Variants in UNC80 observed in about 807,000 individuals in gnomAD.
The protein encoded by UNC80 is protein unc-80 homolog.
A neutral mutation model predicts 384.6 loss-of-function variants in UNC80; 164 were observed. The ratio of observed to expected loss-of-function variants is 0.43; its 90% CI spans 0.38 to 0.49. The LOEUF is 0.49. Among genes scored for constraint, UNC80 ranks in the 20% least tolerant of loss-of-function variants. The pLI is 0.00. For synonymous variants in UNC80, 1,486 were observed against 1,527.8 expected (o/e 0.97, Z 0.64); for missense variants, 3,330 against 4,143.0 (o/e 0.80, Z 5.39).
rs985622879 is a variant in UNC80, at chr2:209,899,323, G to T, written c.4581+2910G>T. 3.9e-5 allele frequency among the ~76,000 whole-genome samples: 6 copies of T among 152,268 alleles called. No individual in the cohort carries two copies. In the South Asian group the frequency reaches 1.2e-3, roughly 32 times the overall value. On this transcript the variant is annotated intron_variant, in intron 28 of 64. Transcript: ENST00000673920. Reference sequence around the variant, plus strand: ...AAACTGTTGACTTTGGGTGATAATGGTGTGTCAATATAAGTTCATTGATTG... The same window carrying T: ...AAACTGTTGACTTTGGGTGATAATGTTGTGTCAATATAAGTTCATTGATTG...
chr2:209,861,625 A>G (rs1326186287), intron 22 of UNC80, among the ~76,000 whole-genome samples: 6 of 152,120 alleles, frequency 3.9e-5, no homozygotes, highest in Non-Finnish European at 8.8e-5. Flanking sequence ...GCTCCTCTTT[A>G]TATTTCTGGT....
chr2:209,826,393 A>G (rs1312467976), intron 14 of UNC80, among the ~76,000 whole-genome samples: 1 of 152,216 alleles, frequency 6.6e-6, no homozygotes, highest in African/African-American at 2.4e-5. Flanking sequence ...CCTGTAACAA[A>G]TGACTTTTTA....
intron 32 of UNC80, 69 bp from the exon 33 acceptor site, chr2:209,918,460 GTCA>G (rs952040706): frequency 2.5e-5 from 37 of 1,460,786 alleles, no homozygotes; most frequent in Non-Finnish European, 3.3e-5. Flanking sequence ...GACAGATTGT[GTCA>G]TCATTATACT....
intron 22 of UNC80, among the ~76,000 whole-genome samples, chr2:209,859,478 G>C (rs2083196010): frequency 6.6e-6 from 1 of 152,106 alleles, no homozygotes; most frequent in African/African-American, 2.4e-5. Context: ...ATTGTAAATA[G>C]TGCTGCAATA....
intron 25 of UNC80, among the ~76,000 whole-genome samples, chr2:209,882,206 T>C (rs1261153763): frequency 6.6e-6 from 1 of 152,070 alleles, no homozygotes; most frequent in Non-Finnish European, 1.5e-5. Context: ...GACCTCATGA[T>C]CTGCCTGCCT....
intron 58 of UNC80, 110 bp downstream of exon 58, chr2:209,977,188 C>G: frequency 8.8e-7 from 1 of 1,134,570 alleles, no homozygotes; most frequent in Non-Finnish European, 1.2e-6. Context: ...AATATGTTAG[C>G]CATTTTGGTA....
At chr2:209,806,669 A>G (rs1468055609) in intron 7 of UNC80, among the ~76,000 whole-genome samples, 1 of 152,250 alleles carries the variant, frequency 6.6e-6, no homozygotes, top group Non-Finnish European at 1.5e-5. Flanking sequence ...AACAATGCCA[A>G]TATCCTAGTA....
At position 209,998,470 on chromosome 2, in the gene UNC80, T is replaced by C. The variant is rs1429687405; in HGVS notation, c.*2875T>C. 6.6e-6 allele frequency: 1 copy of C among 152,324 alleles called. No individual in the cohort carries two copies. Among genetic ancestry groups the C allele is most frequent in the Non-Finnish European group, 1.5e-5 (1 of 68,110 alleles). 9.4% of individuals were successfully genotyped at this position (152,324 alleles called of 1,614,324 possible). A position where few individuals can be genotyped will look rare whatever the true frequency, so the allele number is the denominator to read the frequency against. ...GCAGTGCTGGTGGAAAAATCTGTGG[T>C]ACTGGTGATCTGGTTAGGGCCTGTT... On this transcript the variant is annotated 3_prime_UTR_variant, in exon 65 of 65. Coordinates refer to ENST00000673920, the MANE Select transcript of UNC80 (RefSeq NM_001371986.1).
At chr2:209,886,240 A>T (rs954262162) in intron 25 of UNC80, among the ~76,000 whole-genome samples, 1 of 151,720 alleles carries the variant, frequency 6.6e-6, no homozygotes, top group Non-Finnish European at 1.5e-5. Context: ...AGAATTTTAT[A>T]TATATTTTTA....
intron 3 of UNC80, among the ~76,000 whole-genome samples, chr2:209,776,878 T>C (rs781197388): frequency 2.0e-5 from 3 of 152,228 alleles, no homozygotes; most frequent in Admixed American, 6.5e-5. Context: ...CATACTCTTC[T>C]CCATCCCATT....
rs2093520189 is a variant in UNC80 at position 209,998,901 on chromosome 2, C to G, written c.*3306C>G. On this transcript the variant is annotated 3_prime_UTR_variant, in exon 65 of 65. Coordinates refer to ENST00000673920, the MANE Select transcript of UNC80 (RefSeq NM_001371986.1). ...TTACTTTAGTGGGTCTCAACTGCAG[C>G]ATTTCAGAAACAAATTTTGATTTGA... The G allele has an allele frequency of 6.6e-6, 1 of 152,118 alleles. No individual in the cohort carries two copies. The highest frequency in any genetic ancestry group is 2.4e-5 in the African/African-American group (1 of 41,418). 9.4% of individuals were successfully genotyped at this position (152,118 alleles called of 1,614,324 possible).
intron 38 of UNC80, among the ~76,000 whole-genome samples, chr2:209,933,401 C>T (rs1268826493): frequency 6.6e-6 from 1 of 151,984 alleles, no homozygotes; most frequent in Non-Finnish European, 1.5e-5. Flanking sequence ...AAAAAGAAGA[C>T]ACACAAAAAT....
chr2:209,872,873 A>G lies in UNC80; in HGVS notation c.3743A>G (p.Lys1248Arg). ...AAAGGGCACCACGTGAACATCACCA[A>G]GAAAGGACTTTCCCGGGGACGCTCT... ...WMKGHHVNIT[K>R]KGLSRGRSPI... Residue 1248 changes from lysine to arginine, a missense_variant, in exon 23 of 65, where the codon AAG becomes AGG. Physicochemically the swap from Lys to Arg is conservative, Grantham distance 26. Coordinates refer to ENST00000673920, the MANE Select transcript of UNC80 (RefSeq NM_001371986.1). The surrounding 1 kb of genome is among the most constrained non-coding windows in gnomAD (Gnocchi z 4.1). The G allele has an allele frequency of 1.3e-6, 2 of 1,551,510 alleles. No homozygotes were observed. Among genetic ancestry groups the G allele is most frequent in the Non-Finnish European group, 1.7e-6 (2 of 1,146,860 alleles).
At chr2:209,930,877 C>T (rs2090806434) in intron 37 of UNC80, 91 bp from the exon 38 acceptor site, 1 of 819,568 alleles carries the variant, frequency 1.2e-6, no homozygotes, top group Non-Finnish European at 1.9e-6. Context: ...AAAAAAAATC[C>T]CTCACCCAAT....
At position 209,880,092 on chromosome 2, in the gene UNC80, C is replaced by T. The variant is rs544607940; in HGVS notation, c.3977-869C>T. Among the ~76,000 whole-genome samples the T allele has an allele frequency of 3.9e-5, 6 of 152,196 alleles. No individual in the cohort carries two copies. The East Asian group carries it at 1.2e-3, about 29-fold the overall frequency. On this transcript the variant is annotated intron_variant, in intron 24 of 64. Coordinates refer to ENST00000673920, the MANE Select transcript of UNC80 (RefSeq NM_001371986.1). ...CCTTTCTTTTATAAGAGAAAGAATT[C>T]TACATGGCTTTGATTTTTTCTGAAC...
chr2:209,866,351 C>T (rs1273817680), intron 22 of UNC80, among the ~76,000 whole-genome samples: 1 of 151,990 alleles, frequency 6.6e-6, no homozygotes, highest in African/African-American at 2.4e-5. Flanking sequence ...TGTGTCTGAT[C>T]CCTTGGTTCT....
chr2:209,916,623 C>T (rs1020662659), intron 31 of UNC80, among the ~76,000 whole-genome samples: 4 of 152,200 alleles, frequency 2.6e-5, no homozygotes, highest in Admixed American at 1.3e-4. Context: ...ATAATGATTA[C>T]AATAACTAGC....
chr2:209,878,005 GC>G lies in UNC80; in HGVS notation c.3894del (p.Asn1299ThrfsTer25). ...ELCHGESESPANLLGLIYDEE... is the reference protein window; with the variant it reads ...ELCHGESESPXNLLGLIYDEE... The stretch of plus-strand genomic sequence containing the variant: ...GTGCCACGGGGAAAGTGAGAGCCCA[GC>G]CAACCTGCTGGGTCTCATTTACGAT... On this transcript the variant is annotated frameshift_variant, in exon 24 of 65. Transcript: ENST00000673920. LOFTEE classifies it high-confidence loss of function. 6.5e-7 allele frequency: 1 copy of G among 1,545,016 alleles called. No individual in the cohort carries two copies. Among genetic ancestry groups the G allele is most frequent in the Non-Finnish European group, 8.7e-7 (1 of 1,143,778 alleles).
At chr2:209,956,087 T>G (rs911057208) in intron 48 of UNC80, among the ~76,000 whole-genome samples, 2 of 152,114 alleles carry the variant, frequency 1.3e-5, no homozygotes, top group African/African-American at 4.8e-5. Context: ...TCCTCATTTC[T>G]ATACCTTTTT....
Sources: allele counts gnomAD v4.1 joint callset (sites outside exome capture counted in the v4.1 genomes callset), GRCh38; gene constraint gnomAD v4.1.1; non-coding constraint Gnocchi (gnomAD v3.1); transcripts MANE v1.5; gene names NCBI Gene and HGNC (gene_info 2026-07-23, HGNC 2026-07-21).